The following EIF4G3 variants were observed in gnomAD, a reference collection of about 807,000 sequenced individuals.
EIF4G3 encodes the protein eukaryotic translation initiation factor 4 gamma 3.
EIF4G3 carries 34 observed loss-of-function variants against 186.4 expected under a neutral mutation model. That is an observed-to-expected ratio of 0.18 (90% CI 0.14 to 0.24). EIF4G3 has a LOEUF of 0.24. EIF4G3 is among the 10% of genes least tolerant of loss of function. The pLI, the probability that EIF4G3 is intolerant of heterozygous loss-of-function variation, is 1.00. For synonymous variants in EIF4G3, 673 were observed against 679.5 expected (o/e 0.99, Z 0.15); for missense variants, 1,536 against 1,948.5 (o/e 0.79, Z 3.99).
intron 13 of EIF4G3, among the ~76,000 whole-genome samples, chr1:20,947,070 GC>G (rs1443606412): frequency 6.6e-6 from 1 of 152,134 alleles, no homozygotes; most frequent in African/African-American, 2.4e-5. Flanking sequence ...AAACTCCTTG[GC>G]TGGCTGAGGT....
chr1:21,161,585 A>G (rs376309202), intron 2 of EIF4G3: 2 of 152,304 alleles, frequency 1.3e-5, no homozygotes, highest in East Asian at 1.9e-4. Flanking sequence ...AAAAATCTCA[A>G]AGAAAAGTAT....
At chr1:21,055,729 G>GT (rs2154578038) in intron 3 of EIF4G3, among the ~76,000 whole-genome samples, 1 of 151,904 alleles carries the variant, frequency 6.6e-6, no homozygotes, top group African/African-American at 2.4e-5. Flanking sequence ...GCAAAAACAG[G>GT]TAGAAATAGC....
At chr1:20,818,514 C>T (rs184422603) in intron 33 of EIF4G3, among the ~76,000 whole-genome samples, 13 of 152,062 alleles carry the variant, frequency 8.5e-5, no homozygotes, top group African/African-American at 2.9e-4. Flanking sequence ...TTGTGGCATG[C>T]GCCTGTGGTC....
At chr1:21,146,861 CAAGA>C (rs2097452144) in intron 2 of EIF4G3, among the ~76,000 whole-genome samples, 1 of 152,140 alleles carries the variant, frequency 6.6e-6, no homozygotes, top group South Asian at 2.1e-4. Flanking sequence ...TCATTTCACA[CAAGA>C]AAGTCTATAA....
intron 7 of EIF4G3, among the ~76,000 whole-genome samples, chr1:20,995,397 G>A (rs1486862583): frequency 6.6e-6 from 1 of 152,102 alleles, no homozygotes; most frequent in African/African-American, 2.4e-5. Flanking sequence ...TTTGAGATGG[G>A]AGTCTTGCTC....
At chr1:21,157,212 G>A (rs975707874) in intron 2 of EIF4G3, among the ~76,000 whole-genome samples, 3 of 151,876 alleles carry the variant, frequency 2.0e-5, no homozygotes, top group African/African-American at 7.3e-5. Context: ...CACTGACCAC[G>A]ACTCTGCCCA....
chr1:21,130,473 C>T (rs2102491535), intron 2 of EIF4G3, among the ~76,000 whole-genome samples: 1 of 152,100 alleles, frequency 6.6e-6, no homozygotes. Context: ...AAGTGATCCA[C>T]CTGCCTCAGC....
At chr1:20,924,760 C>T (rs950270140) in intron 14 of EIF4G3, among the ~76,000 whole-genome samples, 2 of 152,190 alleles carry the variant, frequency 1.3e-5, no homozygotes, top group African/African-American at 4.8e-5. Flanking sequence ...TGGGGTTTCA[C>T]CATGTTGGCC....
chr1:21,089,342 CT>C, intron 2 of EIF4G3, 129 bp from the exon 3 acceptor site: 1 of 598,584 alleles, frequency 1.7e-6, no homozygotes, highest in Non-Finnish European at 3.0e-6. Flanking sequence ...TACTTCTCCA[CT>C]AAAACTAAAA....
intron 2 of EIF4G3, among the ~76,000 whole-genome samples, chr1:21,133,015 C>G (rs2097180993): frequency 6.6e-6 from 1 of 152,216 alleles, no homozygotes; most frequent in Admixed American, 6.5e-5. Flanking sequence ...AACTCCTGGG[C>G]TCAAGCGATC....
intron 14 of EIF4G3, among the ~76,000 whole-genome samples, chr1:20,913,889 C>T (rs1477015748): frequency 2.7e-5 from 4 of 146,526 alleles, no homozygotes; most frequent in African/African-American, 7.6e-5. Context: ...TCACTGCAAG[C>T]TCCGCCTCCC....
chr1:20,918,724 T>C (rs2094189348), intron 14 of EIF4G3, among the ~76,000 whole-genome samples: 1 of 148,654 alleles, frequency 6.7e-6, no homozygotes, highest in South Asian at 2.1e-4. Context: ...TTTTTTTTTT[T>C]TTAAAGAGGC....
chr1:20,810,761 A>G lies in EIF4G3; in HGVS notation c.4721T>C (p.Ile1574Thr). ...ACTGGCAGGTTGATCAAGTTTTACTATCGATGCTTGTAGTGCATAAAGTGC... is the reference window on the plus strand; with the variant it reads ...ACTGGCAGGTTGATCAAGTTTTACTGTCGATGCTTGTAGTGCATAAAGTGC... Reference protein sequence around the residue: ...LQALYALQASIVKLDQPANLL... With the variant: ...LQALYALQASTVKLDQPANLL... The change falls in exon 36 of 37, where the codon ATA (isoleucine) becomes ACA (threonine). Residue 1574 changes from isoleucine to threonine, a missense_variant. Ile to Thr is a moderately conservative substitution (Grantham distance 89). Transcript: ENST00000602326. The surrounding 1 kb of genome is among the most constrained non-coding windows in gnomAD (Gnocchi z 4.1). 1 of 1,613,932 alleles carries G rather than the reference A, an allele frequency of 6.2e-7. No individual in the cohort carries two copies. The highest frequency in any genetic ancestry group is 8.5e-7 in the Non-Finnish European group (1 of 1,179,832).
chr1:21,005,282 A>T (rs182561762), intron 4 of EIF4G3, among the ~76,000 whole-genome samples: 23 of 150,640 alleles, frequency 1.5e-4, no homozygotes, highest in South Asian at 4.3e-4. Context: ...CATTAAATTT[A>T]AAAAAATCAA....
At chr1:21,175,102 AAACAC>A (rs1266710378) in intron 2 of EIF4G3, 1 of 152,200 alleles carries the variant, frequency 6.6e-6, no homozygotes, top group Non-Finnish European at 1.5e-5. Context: ...ACAAACATAA[AAACAC>A]AACACATCTA....
rs149014279 is a variant in EIF4G3 at position 21,043,899 on chromosome 1, AAGAG to A, written c.-67+6963_-67+6966del. Among the ~76,000 whole-genome samples, 302 of 150,996 alleles carry A rather than the reference AAGAG, an allele frequency of 2.0e-3. 1 individual carries two copies. Among genetic ancestry groups the A allele is most frequent in the Middle Eastern group, 0.01 (3 of 290 alleles). ...AAAAAAAAAAGGAAGGATGGAAAGA[AAGAG>A]AGAGAGAGAGAGATGAAACACCTAT... On this transcript the variant is annotated intron_variant, in intron 4 of 36. Transcript: ENST00000602326.
At chr1:20,831,670 C>A (rs2065247803) in intron 30 of EIF4G3, among the ~76,000 whole-genome samples, 1 of 149,972 alleles carries the variant, frequency 6.7e-6, no homozygotes, top group East Asian at 2.0e-4. Context: ...AGGTTAGTTA[C>A]ATATGTATAC....
chr1:20,991,921 C>CT (rs1382915436), intron 7 of EIF4G3, among the ~76,000 whole-genome samples: 2 of 152,212 alleles, frequency 1.3e-5, no homozygotes, highest in Non-Finnish European at 2.9e-5. Flanking sequence ...TAGGCAGGTA[C>CT]TTTATCCTCA....
chr1:20,881,614 C>A (rs1247926448), intron 19 of EIF4G3, among the ~76,000 whole-genome samples: 1 of 151,768 alleles, frequency 6.6e-6, no homozygotes, highest in African/African-American at 2.4e-5. Flanking sequence ...TGGCAAAACC[C>A]TGTCCCTACA....
Sources: allele counts gnomAD v4.1 joint callset (sites outside exome capture counted in the v4.1 genomes callset), GRCh38; gene constraint gnomAD v4.1.1; non-coding constraint Gnocchi (gnomAD v3.1); transcripts MANE v1.5; gene names NCBI Gene and HGNC (gene_info 2026-07-23, HGNC 2026-07-21).